ITPK1: variants seen among roughly 807,000 people sequenced by gnomAD.
The protein encoded by ITPK1 is inositol 1,3,4-trisphosphate 5/6-kinase.
Under a neutral mutation model 45.3 loss-of-function variants are expected in ITPK1, and 21 were observed. That is an observed-to-expected ratio of 0.46 (90% CI 0.33 to 0.67). The LOEUF (loss-of-function observed/expected upper bound fraction) is 0.67. Ranked by LOEUF, ITPK1 falls within the 30% of genes least tolerant of loss-of-function variation. ITPK1 has a pLI of 0.02. For synonymous variants in ITPK1, 258 were observed against 253.6 expected (o/e 1.02, Z -0.16); for missense variants, 474 against 573.5 (o/e 0.83, Z 1.77).
At chr14:92,955,788 C>T (rs1169584967) in intron 8 of ITPK1, among the ~76,000 whole-genome samples, 1 of 152,184 alleles carries the variant, frequency 6.6e-6, no homozygotes. Flanking sequence ...CCCATCCCTG[C>T]GTGGCCACGG....
At position 92,938,557 on chromosome 14, in the gene ITPK1, T is replaced by G; in HGVS notation, c.*3004A>C. The stretch of plus-strand genomic sequence containing the variant: ...TACAGAGAGGAATGTTTTTCCCAGG[T>G]TGCTTTCTCCTTTATTGACAGGCAT... On this transcript the variant is annotated 3_prime_UTR_variant, in exon 11 of 11. Coordinates refer to ENST00000267615, the MANE Select transcript of ITPK1 (RefSeq NM_014216.6). The G allele has an allele frequency of 1.3e-6, 2 of 1,598,544 alleles. No homozygotes were observed. Among genetic ancestry groups the G allele is most frequent in the Non-Finnish European group, 1.7e-6 (2 of 1,166,254 alleles).
chr14:92,937,870 CA>C lies in ITPK1; in HGVS notation c.*3690del, dbSNP rs1254340910. The C allele has an allele frequency of 6.5e-6, 1 of 153,652 alleles. No individual in the cohort carries two copies. The highest frequency in any genetic ancestry group is 2.4e-5 in the African/African-American group (1 of 41,488). The allele number at this position is 153,652 out of a possible 1,614,324, so 9.5% of individuals were successfully genotyped here. On this transcript the variant is annotated 3_prime_UTR_variant, in exon 11 of 11. Transcript: ENST00000267615. ...CCTTTAGGGCAGCCAGCACCCAGCT[CA>C]AGGTCTCTGAATCCAATGGCCCATG... is the stretch of plus-strand genomic sequence containing the variant.
At chr14:92,950,369 G>C (rs1887901158) in intron 9 of ITPK1, among the ~76,000 whole-genome samples, 1 of 152,272 alleles carries the variant, frequency 6.6e-6, no homozygotes, top group African/African-American at 2.4e-5. Context: ...GGCTCTGTCA[G>C]GCCAGCCTGC....
At chr14:92,948,482 G>A (rs899753360) in intron 9 of ITPK1, among the ~76,000 whole-genome samples, 4 of 152,020 alleles carry the variant, frequency 2.6e-5, no homozygotes, top group African/African-American at 7.3e-5. Context: ...GACTACAGGC[G>A]TGTGCCACCA....
intron 2 of ITPK1, among the ~76,000 whole-genome samples, chr14:93,107,072 C>T (rs975599782): frequency 1.3e-5 from 2 of 151,586 alleles, no homozygotes; most frequent in Admixed American, 6.6e-5. Flanking sequence ...ATTCTCCTGC[C>T]TCAGCGTCCC....
intron 5 of ITPK1, among the ~76,000 whole-genome samples, chr14:92,972,420 G>C (rs4905016): frequency 0.22 from 33,835 of 152,010 alleles, 4,274 homozygotes; most frequent in African/African-American, 0.33. Context: ...GGGGAGATGA[G>C]GGCCATCCGC....
At chr14:93,041,469 G>A (rs927072850) in intron 3 of ITPK1, among the ~76,000 whole-genome samples, 2 of 152,206 alleles carry the variant, frequency 1.3e-5, no homozygotes, top group Non-Finnish European at 2.9e-5. Context: ...GAGCAGCAAG[G>A]GACCTCACTA....
Position 92,939,919 on chromosome 14 carries a change from G to A in ITPK1, c.*1642C>T. On this transcript the variant is annotated 3_prime_UTR_variant, in exon 11 of 11. Coordinates refer to ENST00000267615, the MANE Select transcript of ITPK1 (RefSeq NM_014216.6). ...CAAAGCAGTGCAAGAGGCCAGCCAC[G>A]CTTTCCTGTTCCCCAGGGCTCAGGG... The A allele has an allele frequency of 1.7e-5, 17 of 985,878 alleles. No individual in the cohort carries two copies. Among genetic ancestry groups the A allele is most frequent in the Non-Finnish European group, 1.9e-5 (16 of 829,942 alleles). 61.1% of individuals were successfully genotyped at this position (985,878 alleles called of 1,614,324 possible).
intron 2 of ITPK1, among the ~76,000 whole-genome samples, chr14:93,094,159 G>A (rs1029636220): frequency 6.6e-6 from 1 of 152,198 alleles, no homozygotes; most frequent in South Asian, 2.1e-4. Flanking sequence ...CGTTCTACCC[G>A]AGGATATGCG....
chr14:92,949,567 T>C (rs1595078559), intron 9 of ITPK1, among the ~76,000 whole-genome samples: 3 of 152,334 alleles, frequency 2.0e-5, no homozygotes, highest in Admixed American at 2.0e-4. Flanking sequence ...CCCTAAGCCA[T>C]AACAGAACCC....
chr14:93,057,707 C>G (rs773578353), intron 3 of ITPK1, among the ~76,000 whole-genome samples: 1 of 152,192 alleles, frequency 6.6e-6, no homozygotes, highest in Non-Finnish European at 1.5e-5. Context: ...GAGGCAGAAC[C>G]AGCAGGGACC....
intron 2 of ITPK1, among the ~76,000 whole-genome samples, chr14:93,098,382 G>A (rs568149416): frequency 1.8e-4 from 28 of 151,874 alleles, no homozygotes; most frequent in Non-Finnish European, 3.8e-4. Context: ...GCGTGAACCC[G>A]GGAGGCGGAG....
chr14:93,001,721 C>T (rs7145020), intron 4 of ITPK1, among the ~76,000 whole-genome samples: 2,861 of 152,310 alleles, frequency 0.019, 100 homozygotes, highest in African/African-American at 0.066. Context: ...GTTAAAAGTA[C>T]TCACAGGGGC....
intron 3 of ITPK1, among the ~76,000 whole-genome samples, chr14:93,031,547 A>G (rs776324790): frequency 2.0e-5 from 3 of 152,208 alleles, no homozygotes; most frequent in Non-Finnish European, 2.9e-5. Context: ...GCCAGGGGTC[A>G]GGAGCCTGGC....
At chr14:93,097,807 G>C in intron 2 of ITPK1, among the ~76,000 whole-genome samples, 1 of 152,206 alleles carries the variant, frequency 6.6e-6, no homozygotes, top group East Asian at 1.9e-4. Flanking sequence ...TCAGAGGTTA[G>C]AGAACAGCCT....
rs764355776 is a variant in ITPK1, at chr14:93,101,894, A to G, written c.95+13175T>C. Among the ~76,000 whole-genome samples the G allele has an allele frequency of 4.6e-5, 7 of 152,200 alleles. No individual in the cohort carries two copies. The East Asian group carries it at 7.7e-4, about 17-fold the overall frequency. ...AAGTCACTTACCCTCTCTGAGCCTC[A>G]GTCTCCACATACGGACTGACAGCTT... On this transcript the variant is annotated intron_variant, in intron 2 of 10. Coordinates refer to ENST00000267615, the MANE Select transcript of ITPK1 (RefSeq NM_014216.6).
intron 2 of ITPK1, among the ~76,000 whole-genome samples, chr14:93,078,132 T>C (rs192240577): frequency 1.0e-3 from 158 of 152,350 alleles, no homozygotes; most frequent in African/African-American, 3.7e-3. Flanking sequence ...GCTCAGCTCC[T>C]GGGCCCAGCA....
At chr14:93,018,783 C>T (rs1488192124) in intron 3 of ITPK1, among the ~76,000 whole-genome samples, 3 of 152,160 alleles carry the variant, frequency 2.0e-5, no homozygotes, top group Non-Finnish European at 2.9e-5. Context: ...CTCCCTGCTG[C>T]AAAGACCAGG....
chr14:93,095,371 G>A (rs1892034430), intron 2 of ITPK1, among the ~76,000 whole-genome samples: 1 of 152,154 alleles, frequency 6.6e-6, no homozygotes, highest in Non-Finnish European at 1.5e-5. Context: ...TACAGACAAA[G>A]AAACAGGCTC....
Sources: gnomAD v4.1 joint callset for allele counts (sites outside exome capture counted in the v4.1 genomes callset) on GRCh38, gnomAD v4.1.1 for gene constraint, MANE v1.5 for transcripts, NCBI Gene and HGNC (gene_info 2026-07-23, HGNC 2026-07-21) for gene names.